TMC2: variants seen among roughly 807,000 people sequenced by gnomAD.
TMC2 encodes the protein transmembrane channel like 2, also known as transmembrane channel-like protein 2.
Under a neutral mutation model 105.9 loss-of-function variants are expected in TMC2, and 102 were observed. The ratio of observed to expected loss-of-function variants is 0.96; its 90% CI spans 0.82 to 1.14. The LOEUF (loss-of-function observed/expected upper bound fraction) is 1.14, where lower values mean the gene tolerates loss of function less well. Ranked by LOEUF, TMC2 falls within the 50% of genes most tolerant of loss-of-function variation. The probability of loss-of-function intolerance (pLI) is 0.00; values close to 1 mark genes in which losing one functional copy is unlikely to be tolerated. For missense variants in TMC2, 1,093 were observed against 1,134.3 expected, an observed-to-expected ratio of 0.96 and a Z score of 0.52; for synonymous variants, 402 against 422.8, an observed-to-expected ratio of 0.95 and a Z score of 0.60.
At chr20:2,562,941 G>A (rs539001861) in intron 4 of TMC2, among the ~76,000 whole-genome samples, 1 of 151,504 alleles carries the variant, frequency 6.6e-6, no homozygotes, top group South Asian at 2.1e-4. Flanking sequence ...GGGAGACTCT[G>A]TATCAAAAAA....
Position 2,641,399 on chromosome 20 carries a change from C to A in TMC2, c.*48C>A, listed in dbSNP as rs752172526. 9.4e-6 allele frequency: 12 copies of A among 1,283,186 alleles called. No homozygotes were observed. The highest frequency in any genetic ancestry group is 1.2e-5 in the South Asian group (1 of 80,806). The allele number at this position is 1,283,186 out of a possible 1,614,324, so 79.5% of individuals were successfully genotyped here. Reference sequence around the variant, plus strand: ...CGACCCTAGGGCTGATCCTCAAGTACCCCAGTTTCACACATACCAAACCAA... The same window carrying A: ...CGACCCTAGGGCTGATCCTCAAGTAACCCAGTTTCACACATACCAAACCAA... On this transcript the variant is annotated 3_prime_UTR_variant, in exon 20 of 20. Transcript: ENST00000358864.
intron 9 of TMC2, among the ~76,000 whole-genome samples, chr20:2,596,322 G>A (rs1394922606): frequency 6.6e-6 from 1 of 152,120 alleles, no homozygotes; most frequent in African/African-American, 2.4e-5. Context: ...AAAAGTAATT[G>A]ATGGTTTTGC....
chr20:2,571,686 G>A (rs891018058), intron 4 of TMC2, among the ~76,000 whole-genome samples: 1 of 152,176 alleles, frequency 6.6e-6, no homozygotes, highest in East Asian at 1.9e-4. Context: ...AGATGACCCA[G>A]AATAATCTCC....
chr20:2,621,201 A>C (rs1339597959), intron 16 of TMC2, among the ~76,000 whole-genome samples: 6 of 152,228 alleles, frequency 3.9e-5, no homozygotes, highest in South Asian at 4.2e-4. Flanking sequence ...TTTCTACTAA[A>C]GATACAAAAA....
intron 12 of TMC2, among the ~76,000 whole-genome samples, chr20:2,611,318 T>C (rs977181884): frequency 1.3e-5 from 2 of 152,122 alleles, no homozygotes; most frequent in African/African-American, 4.8e-5. Flanking sequence ...CTGTAGGAAC[T>C]TTTTCCTGAT....
intron 5 of TMC2, among the ~76,000 whole-genome samples, chr20:2,573,722 G>A (rs966417127): frequency 1.4e-5 from 2 of 147,246 alleles, no homozygotes; most frequent in South Asian, 2.1e-4. Flanking sequence ...CACCACGCCC[G>A]GCTAATTTTT....
intron 16 of TMC2, among the ~76,000 whole-genome samples, chr20:2,622,686 A>AAAAAGAAAGAAAGAAAAG: frequency 6.6e-6 from 1 of 152,140 alleles, no homozygotes; most frequent in Non-Finnish European, 1.5e-5. Context: ...GTCTCAAAAA[A>AAAAAGAAAGAAAGAAAAG]AAAAGAAAGA....
At chr20:2,578,627 T>TC (rs2086164461) in intron 5 of TMC2, among the ~76,000 whole-genome samples, 1 of 152,132 alleles carries the variant, frequency 6.6e-6, no homozygotes, top group Non-Finnish European at 1.5e-5. Flanking sequence ...AGGCTGTTGT[T>TC]CCCCCAGGAG....
intron 8 of TMC2, among the ~76,000 whole-genome samples, chr20:2,593,741 T>G (rs1196566373): frequency 6.6e-6 from 1 of 152,140 alleles, no homozygotes; most frequent in Non-Finnish European, 1.5e-5. Flanking sequence ...AAATTTCCAT[T>G]CCCTTTGTTG....
intron 11 of TMC2, among the ~76,000 whole-genome samples, chr20:2,603,099 T>A (rs2086363681): frequency 6.6e-6 from 1 of 152,160 alleles, no homozygotes; most frequent in Non-Finnish European, 1.5e-5. Flanking sequence ...TCCTGAATGA[T>A]GAGACACATG....
intron 9 of TMC2, among the ~76,000 whole-genome samples, chr20:2,596,619 C>T (rs1363344447): frequency 4.3e-5 from 6 of 139,716 alleles, no homozygotes; most frequent in Non-Finnish European, 1.5e-5. Flanking sequence ...GACGACAGAG[C>T]GAGACTCTGT....
rs769130349 is a variant in TMC2, at chr20:2,613,255, A to T, written c.1805A>T (p.Asp602Val). The change falls in exon 14 of 20, where the codon GAC becomes GTC. Residue 602 changes from aspartate to valine, a missense_variant. By Grantham distance (152) the Asp-to-Val change is radical (BLOSUM62 -3). Coordinates refer to ENST00000358864, the MANE Select transcript of TMC2 (RefSeq NM_080751.3). ...LVTYITILLG[D>V]FLRACFVRFM... ...ACGTACATCACCATCCTGCTGGGGGACTTCCTACGGGCTTGTTTTGTGCGG... is the reference window on the plus strand; with the variant it reads ...ACGTACATCACCATCCTGCTGGGGGTCTTCCTACGGGCTTGTTTTGTGCGG... 6.2e-7 allele frequency: 1 copy of T among 1,613,868 alleles called. No homozygotes were observed. The highest frequency in any genetic ancestry group is 1.7e-5 in the Admixed American group (1 of 59,996).
rs753558671 is a variant in TMC2, at chr20:2,613,231, C to T, written c.1781C>T (p.Thr594Met). 15 of 1,614,032 alleles carry T rather than the reference C, an allele frequency of 9.3e-6. No homozygotes were observed. In the East Asian group the frequency reaches 1.6e-4, roughly 17 times the overall value. The change falls in exon 14 of 20, where the codon ACG (threonine) becomes ATG (methionine). Residue 594 changes from threonine (T) to methionine (M), a missense_variant. Physicochemically the swap from Thr to Met is moderately conservative, Grantham distance 81. Coordinates refer to ENST00000358864, the MANE Select transcript of TMC2 (RefSeq NM_080751.3). ...CTGACGGTGTCTGACATGCTGGTAA[C>T]GTACATCACCATCCTGCTGGGGGAC... ...MRLTVSDMLV[T>M]YITILLGDFL...
intron 10 of TMC2, among the ~76,000 whole-genome samples, chr20:2,600,058 G>T (rs918547841): frequency 2.6e-5 from 4 of 152,162 alleles, no homozygotes; most frequent in Admixed American, 1.3e-4. Context: ...CAGCAATGGG[G>T]GGCTTATGGC....
chr20:2,545,481 T>A (rs1036732286), intron 2 of TMC2, among the ~76,000 whole-genome samples: 1 of 152,196 alleles, frequency 6.6e-6, no homozygotes, highest in Admixed American at 6.5e-5. Flanking sequence ...TTGTGAGTAA[T>A]AGGAGGCTTC....
At chr20:2,562,965 G>A (rs1236296866) in intron 4 of TMC2, among the ~76,000 whole-genome samples, 1 of 151,854 alleles carries the variant, frequency 6.6e-6, no homozygotes, top group Non-Finnish European at 1.5e-5. Context: ...AGAAAGAAAA[G>A]AAAAGAAATA....
Position 2,631,806 on chromosome 20 carries a change from A to T in TMC2, c.2307-4120A>T, listed in dbSNP as rs1037466934. 4.0e-5 allele frequency among the ~76,000 whole-genome samples: 6 copies of T among 149,240 alleles called. No homozygotes were observed. In the Admixed American group the frequency reaches 4.0e-4, roughly 10 times the overall value. ...TTCCTGTGTAAATTAATATTTTTTC[A>T]TCATATTTGGGGATGAAATCTGATT... On this transcript the variant is annotated intron_variant, in intron 17 of 19. Transcript: ENST00000358864.
chr20:2,636,222 T>A (rs2086641816), intron 18 of TMC2, among the ~76,000 whole-genome samples: 1 of 152,132 alleles, frequency 6.6e-6, no homozygotes, highest in South Asian at 2.1e-4. Flanking sequence ...TGACTTAAAT[T>A]TCAAGGGGTT....
intron 2 of TMC2, among the ~76,000 whole-genome samples, chr20:2,543,694 C>G (rs1444738826): frequency 1.3e-5 from 2 of 152,150 alleles, no homozygotes; most frequent in African/African-American, 4.8e-5. Context: ...TAGCTGGGCT[C>G]TCTGTGTCCA....
Sources: allele counts gnomAD v4.1 joint callset (sites outside exome capture counted in the v4.1 genomes callset), GRCh38; gene constraint gnomAD v4.1.1; transcripts MANE v1.5; gene names NCBI Gene and HGNC (gene_info 2026-07-23, HGNC 2026-07-21).